The following ARHGAP24 variants were observed in gnomAD, a reference collection of about 807,000 sequenced individuals.
ARHGAP24 encodes rho GTPase-activating protein 24.
Under a neutral mutation model 76.4 loss-of-function variants are expected in ARHGAP24, and 50 were observed. The observed-to-expected ratio is 0.65, with a 90% CI of 0.52 to 0.83. The LOEUF is 0.83. ARHGAP24 is among the 40% of genes least tolerant of loss of function. The pLI is 0.00. For synonymous variants in ARHGAP24, 345 were observed against 323.3 expected (o/e 1.07, Z -0.72); for missense variants, 930 against 914.2 (o/e 1.02, Z -0.22).
At chr4:85,622,365 C>T (rs1368493485) in intron 2 of ARHGAP24, among the ~76,000 whole-genome samples, 10 of 150,272 alleles carry the variant, frequency 6.7e-5, no homozygotes, top group South Asian at 2.1e-4. Context: ...TTTGTCCTTG[C>T]GATAGTTTGC....
intron 2 of ARHGAP24, among the ~76,000 whole-genome samples, chr4:85,696,510 C>T (rs1723870354): frequency 6.6e-6 from 1 of 152,146 alleles, no homozygotes; most frequent in African/African-American, 2.4e-5. Flanking sequence ...GAATGATTTA[C>T]CTGAGTCATT....
At chr4:85,904,692 A>G (rs1255092943) in intron 3 of ARHGAP24, among the ~76,000 whole-genome samples, 1 of 152,238 alleles carries the variant, frequency 6.6e-6, no homozygotes, top group Non-Finnish European at 1.5e-5. Context: ...GCATTCAGAA[A>G]TGAAATACCA....
At chr4:85,623,532 C>T (rs967923494) in intron 2 of ARHGAP24, among the ~76,000 whole-genome samples, 3 of 152,130 alleles carry the variant, frequency 2.0e-5, no homozygotes, top group African/African-American at 7.2e-5. Flanking sequence ...GGTGATGCCT[C>T]CAGCTTTGTT....
intron 3 of ARHGAP24, among the ~76,000 whole-genome samples, chr4:85,760,573 A>G (rs949841054): frequency 4.6e-5 from 7 of 152,170 alleles, no homozygotes; most frequent in Non-Finnish European, 1.0e-4. Context: ...TCCAAACAGG[A>G]AAAGTGGGGA....
intron 3 of ARHGAP24, among the ~76,000 whole-genome samples, chr4:85,745,038 T>C (rs767478322): frequency 6.6e-6 from 1 of 152,092 alleles, no homozygotes; most frequent in Non-Finnish European, 1.5e-5. Flanking sequence ...AATGTTTAAA[T>C]ATGAGTGTGA....
At chr4:85,977,809 T>C in intron 8 of ARHGAP24, 118 bp downstream of exon 8, 1 of 1,227,680 alleles carries the variant, frequency 8.1e-7, no homozygotes, top group South Asian at 1.3e-5. Context: ...GGCAACTCCG[T>C]TTATTAACTG....
chr4:85,698,452 T>G (rs1723950332), intron 2 of ARHGAP24, among the ~76,000 whole-genome samples: 1 of 152,310 alleles, frequency 6.6e-6, no homozygotes, highest in South Asian at 2.1e-4. Flanking sequence ...GCCTCAACAT[T>G]TGGGAGGCAC....
intron 3 of ARHGAP24, among the ~76,000 whole-genome samples, chr4:85,889,300 G>C (rs996397165): frequency 9.9e-5 from 15 of 152,140 alleles, no homozygotes; most frequent in African/African-American, 3.6e-4. Flanking sequence ...GCAAGATAGA[G>C]AGAGAGGCAG....
intron 2 of ARHGAP24, among the ~76,000 whole-genome samples, chr4:85,603,340 C>T (rs1402986218): frequency 2.0e-5 from 3 of 152,204 alleles, no homozygotes; most frequent in Admixed American, 6.5e-5. Context: ...TATCTGCTGC[C>T]GACAGTTGCA....
At chr4:85,935,267 A>G (rs557756742) in intron 4 of ARHGAP24, among the ~76,000 whole-genome samples, 1 of 152,336 alleles carries the variant, frequency 6.6e-6, no homozygotes, top group South Asian at 2.1e-4. Context: ...GCTGGGAATG[A>G]GAAGGTAAAC....
rs563433096 is a variant in ARHGAP24 at position 85,912,853 on chromosome 4, A to AT, written c.269-10786dup. On this transcript the variant is annotated intron_variant, in intron 3 of 9. Coordinates refer to ENST00000395184, the MANE Select transcript of ARHGAP24 (RefSeq NM_001025616.3). ...GTTGTAAAGAAAACTGCTCAATGCT[A>AT]TTTTTTTTTCTTTCAATAATTCTTT... Among the ~76,000 whole-genome samples, 26 of 151,208 alleles carry AT rather than the reference A, an allele frequency of 1.7e-4. No homozygotes were observed. In the East Asian group the frequency reaches 2.9e-3, roughly 17 times the overall value.
chr4:86,000,380 A>G (rs1016244035), intron 9 of ARHGAP24, 99 bp from the exon 10 acceptor site: 5 of 939,500 alleles, frequency 5.3e-6, no homozygotes, highest in Non-Finnish European at 8.5e-6. Flanking sequence ...TAAAGAGTTT[A>G]GAAAATATTT....
At chr4:85,707,503 C>A (rs1338503928) in intron 2 of ARHGAP24, among the ~76,000 whole-genome samples, 1 of 152,094 alleles carries the variant, frequency 6.6e-6, no homozygotes, top group Non-Finnish European at 1.5e-5. Flanking sequence ...TTATAATAAT[C>A]ATAAAATACA....
At chr4:85,771,935 C>G (rs541719703) in intron 3 of ARHGAP24, among the ~76,000 whole-genome samples, 1 of 152,258 alleles carries the variant, frequency 6.6e-6, no homozygotes, top group East Asian at 1.9e-4. Flanking sequence ...TCTTGAACTC[C>G]TGACCTTAAG....
rs1329803538 is a variant in ARHGAP24, at chr4:85,755,631, G to GTT, written c.268+33662_268+33663dup. ...TGGGAAGCTTCTATTCTTTTGTTTT[G>GTT]TTTTGTTTTGTTTTGTTTTGAGACG... On this transcript the variant is annotated intron_variant, in intron 3 of 9. Transcript: ENST00000395184. Among the ~76,000 whole-genome samples the GTT allele has an allele frequency of 3.8e-3, 435 of 115,814 alleles. 45 individuals are homozygous for GTT. Among genetic ancestry groups the GTT allele is most frequent in the Non-Finnish European group, 4.8e-3 (271 of 56,784 alleles). The allele number at this position is 115,814 out of a possible 152,430, so 76.0% of individuals were successfully genotyped here. A position where few individuals can be genotyped will look rare whatever the true frequency, so the allele number is the denominator to read the frequency against.
intron 3 of ARHGAP24, among the ~76,000 whole-genome samples, chr4:85,903,970 G>A (rs1283978636): frequency 2.0e-5 from 3 of 151,850 alleles, no homozygotes; most frequent in African/African-American, 7.3e-5. Context: ...CTGCAGAGGG[G>A]GAAATTAAAA....
chr4:85,716,065 G>T (rs1724722480), intron 2 of ARHGAP24, among the ~76,000 whole-genome samples: 1 of 151,966 alleles, frequency 6.6e-6, no homozygotes, highest in South Asian at 2.1e-4. Context: ...TCACTGTGAT[G>T]CTCATAGTCA....
At chr4:85,640,913 C>A (rs2109970267) in intron 2 of ARHGAP24, among the ~76,000 whole-genome samples, 1 of 151,796 alleles carries the variant, frequency 6.6e-6, no homozygotes, top group Middle Eastern at 3.4e-3. Flanking sequence ...TTTTTGGATA[C>A]AAGATAAATC....
intron 1 of ARHGAP24, among the ~76,000 whole-genome samples, chr4:85,550,017 G>A (rs1726067051): frequency 6.6e-6 from 1 of 152,118 alleles, no homozygotes; most frequent in Non-Finnish European, 1.5e-5. Context: ...TTAGCACTTA[G>A]GCTGATTCCA....
Sources: allele counts gnomAD v4.1 joint callset (sites outside exome capture counted in the v4.1 genomes callset), GRCh38; gene constraint gnomAD v4.1.1; transcripts MANE v1.5; gene names NCBI Gene and HGNC (gene_info 2026-07-23, HGNC 2026-07-21).